Variants in L1CAM observed in about 807,000 individuals in gnomAD.
L1CAM encodes L1 cell adhesion molecule, also known as neural cell adhesion molecule L1.
L1CAM carries 8 observed loss-of-function variants against 93.0 expected under a neutral mutation model. That is an observed-to-expected ratio of 0.09 (90% CI 0.05 to 0.16). The LOEUF (loss-of-function observed/expected upper bound fraction) is 0.16. Among genes scored for constraint, L1CAM ranks in the 10% least tolerant of loss-of-function variants. The pLI, the probability that L1CAM is intolerant of heterozygous loss-of-function variation, is 1.00. For synonymous variants in L1CAM, 453 were observed against 453.0 expected (o/e 1.00, Z 0.00); for missense variants, 777 against 1,073.4 (o/e 0.72, Z 3.86).
chrX:153,868,431 C>T lies in L1CAM; in HGVS notation c.1574G>A (p.Arg525His), dbSNP rs782401498. 2.1e-5 allele frequency: 25 copies of T among 1,210,295 alleles called. No individual in the cohort carries two copies. Among genetic ancestry groups the T allele is most frequent in the Admixed American group, 6.5e-5 (3 of 45,838 alleles). Residue 525 changes from arginine (R) to histidine (H), a missense_variant, in exon 14 of 29, where the codon CGC (arginine) becomes CAC (histidine). Physicochemically the swap from Arg to His is conservative, Grantham distance 29. Coordinates refer to ENST00000370060, the MANE Select transcript of L1CAM (RefSeq NM_001278116.2). ...GGAACCTTTCTTCTCGATTGTGCTG[C>T]GGGGCCCCTGAGTGATCTGAGTTGC... The part of the protein sequence containing the change: ...KDATQITQGP[R>H]STIEKKGSRV...
In L1CAM at chrX:153,862,828, G is replaced by A. The variant is rs200235262; in HGVS notation, c.3609C>T (p.Gly1203=). 3 of 1,211,144 alleles carry A rather than the reference G, an allele frequency of 2.5e-6. No homozygotes were observed. In the East Asian group the frequency reaches 8.9e-5, roughly 36 times the overall value. The part of the protein sequence containing the change: ...PSLNGDIKPL[G]SDDSLADYGG... ...CATAATCGGCCAGGCTGTCGTCACT[G>A]CCCAGGGGCTTGATGTCCCCGTTGA... Residue 1203 remains glycine (G), a synonymous_variant, in exon 29 of 29, where the codon GGC becomes GGT. Coordinates refer to ENST00000370060, the MANE Select transcript of L1CAM (RefSeq NM_001278116.2).
intron 16 of L1CAM, 81 bp downstream of exon 16, chrX:153,867,719 C>A (rs1440360149): frequency 2.0e-6 from 2 of 1,017,522 alleles, no homozygotes; most frequent in African/African-American, 3.7e-5. Flanking sequence ...CCCAGGAAGG[C>A]TCCAGGAGGA....
rs921099758 is a variant in L1CAM at position 153,874,170 on chromosome X, G to C, written c.77-928C>G. Among the ~76,000 whole-genome samples the C allele has an allele frequency of 2.7e-5, 3 of 112,537 alleles. No homozygotes were observed. The East Asian group carries it at 8.4e-4, about 32-fold the overall frequency. ...GCTGGGGAGGGAGAGATGGAAGACAGGTTCCAACAGGGAGGGCCGGCTGCC... is the reference window on the plus strand; with the variant it reads ...GCTGGGGAGGGAGAGATGGAAGACACGTTCCAACAGGGAGGGCCGGCTGCC... On this transcript the variant is annotated intron_variant, in intron 2 of 28. Transcript: ENST00000370060.
intron 2 of L1CAM, among the ~76,000 whole-genome samples, chrX:153,874,390 C>T (rs1557094002): frequency 8.8e-6 from 1 of 113,269 alleles, no homozygotes; most frequent in Non-Finnish European, 1.9e-5. Context: ...GGTCTAAAAG[C>T]CTCACTGGTG....
chrX:153,878,805 T>C (rs1240938048), intron 1 of L1CAM, among the ~76,000 whole-genome samples: 1 of 111,512 alleles, frequency 9.0e-6, no homozygotes, highest in Non-Finnish European at 1.9e-5. Flanking sequence ...GTGTTTGGCA[T>C]GTACGCTCAG....
rs111740820 is a variant in L1CAM, at chrX:153,875,571, C to G, written c.76+190G>C. On this transcript the variant is annotated intron_variant, in intron 2 of 28. Transcript: ENST00000370060. Reference sequence around the variant, plus strand: ...CCCTGTCCATGGTCCTGACACGCCCCGCACCTTCTACCCTGCCCTTCTCTC... The same window carrying G: ...CCCTGTCCATGGTCCTGACACGCCCGGCACCTTCTACCCTGCCCTTCTCTC... The G allele has an allele frequency of 4.4e-3, 2,297 of 517,913 alleles. 2 individuals are homozygous for G. The highest frequency in any genetic ancestry group is 0.016 in the Middle Eastern group (34 of 2,186). 42.7% of individuals were successfully genotyped at this position (517,913 alleles called of 1,213,427 possible). A position where few individuals can be genotyped will look rare whatever the true frequency, so the allele number is the denominator to read the frequency against.
In L1CAM at chrX:153,870,503, C is replaced by T; in HGVS notation, c.695-4G>A. On this transcript the variant is annotated splice_region_variant and splice_polypyrimidine_tract_variant and intron_variant, in intron 7 of 28. Transcript: ENST00000370060. ...TTCCTGTCAATCATGCTGTTGGCTG[C>T]CAGGAGAAAGTGGGTGGGTGGGCTG... 8.3e-7 allele frequency: 1 copy of T among 1,202,408 alleles called. No homozygotes were observed. The highest frequency in any genetic ancestry group is 2.2e-5 in the Admixed American group (1 of 46,025).
intron 1 of L1CAM, chrX:153,885,269 C>A: frequency 1.9e-6 from 1 of 524,009 alleles, no homozygotes. Flanking sequence ...TCACCCCTAC[C>A]TGATGGACCC....
chrX:153,865,559 G>A (rs2148494233), intron 20 of L1CAM, 59 bp from the exon 21 acceptor site: 8 of 1,098,919 alleles, frequency 7.3e-6, no homozygotes, highest in East Asian at 6.0e-5. Flanking sequence ...GGCCCCCAGC[G>A]CACACCCCCA....
intron 2 of L1CAM, 82 bp downstream of exon 2, chrX:153,875,679 G>A: frequency 2.3e-6 from 2 of 885,808 alleles, no homozygotes; most frequent in Non-Finnish European, 1.7e-6. Flanking sequence ...TCCGGAACAG[G>A]GAGAAGGTGA....
At chrX:153,875,572 G>C (rs1037850328) in intron 2 of L1CAM, 189 bp downstream of exon 2, 8 of 518,327 alleles carry the variant, frequency 1.5e-5, no homozygotes, top group Admixed American at 1.1e-4. Flanking sequence ...GACACGCCCC[G>C]CACCTTCTAC....
Position 153,864,879 on chromosome X carries a change from G to A in L1CAM, c.2988C>T (p.Thr996=), listed in dbSNP as rs200863731. 52 of 1,211,213 alleles carry A rather than the reference G, an allele frequency of 4.3e-5. No homozygotes were observed. The highest frequency in any genetic ancestry group is 5.4e-5 in the Non-Finnish European group (48 of 895,381). The part of the protein sequence containing the change: ...HLRYRFQLQA[T]TKEGPGEAIV... ...TGGCTTCACCAGGGCCCTCTTTGGT[G>A]GTGGCCTGAAGCTGGAAGCGGTACC... Residue 996 remains threonine (T), a synonymous_variant, in exon 23 of 29, where the codon ACC becomes ACT. Transcript: ENST00000370060.
intron 1 of L1CAM, among the ~76,000 whole-genome samples, chrX:153,878,946 C>T (rs2064829606): frequency 1.8e-5 from 2 of 111,257 alleles, no homozygotes; most frequent in African/African-American, 6.5e-5. Flanking sequence ...TTGCCACCGC[C>T]CTGGGCAGTC....
intron 28 of L1CAM, 70 bp from the exon 29 acceptor site, chrX:153,862,964 G>A: frequency 1.2e-6 from 1 of 853,856 alleles, no homozygotes; most frequent in South Asian, 2.3e-5. Flanking sequence ...CTGGGGGTGA[G>A]GCAGACGCCC....
chrX:153,885,679 G>C (rs782687397), intron 1 of L1CAM: 5 of 309,977 alleles, frequency 1.6e-5, no homozygotes, highest in East Asian at 2.6e-4. Context: ...GGCGGCCTGT[G>C]GGGGAGCGCT....
chrX:153,873,398 G>A (rs927588089), intron 2 of L1CAM, among the ~76,000 whole-genome samples, 156 bp from the exon 3 acceptor site: 4 of 112,260 alleles, frequency 3.6e-5, no homozygotes, highest in African/African-American at 1.3e-4. Flanking sequence ...GGCAACAAGG[G>A]GGCACACGCT....
intron 3 of L1CAM, 73 bp downstream of exon 3, chrX:153,873,155 C>T: frequency 1.9e-6 from 2 of 1,049,817 alleles, no homozygotes; most frequent in Non-Finnish European, 2.7e-6. Context: ...GGCGGGGGTG[C>T]AGGCTCAGCT....
At position 153,864,847 on chromosome X, in the gene L1CAM, C is replaced by T. The variant is rs782143967; in HGVS notation, c.3020G>A (p.Arg1007Gln). The change falls in exon 23 of 29, where the codon CGG (arginine) becomes CAG (glutamine). Residue 1007 changes from arginine to glutamine, a missense_variant. By Grantham distance (43) the Arg-to-Gln change is conservative. This residue lies in a region of L1CAM where 71 missense variants were observed against 77.4 expected (regional missense o/e 0.92). Transcript: ENST00000370060. ...TKEGPGEAIVREGGTMALSGI... is the reference protein window; with the variant it reads ...TKEGPGEAIVQEGGTMALSGI... ...AGACAAGGCCATAGTGCCTCCTTCC[C>T]GTACGATGGCTTCACCAGGGCCCTC... 7 of 1,211,192 alleles carry T rather than the reference C, an allele frequency of 5.8e-6. No individual in the cohort carries two copies. Among genetic ancestry groups the T allele is most frequent in the South Asian group, 5.3e-5 (3 of 56,915 alleles).
At chrX:153,875,971 G>C in intron 1 of L1CAM, 27 bp from the exon 2 acceptor site, 1 of 529,757 alleles carries the variant, frequency 1.9e-6, no homozygotes, top group Non-Finnish European at 3.3e-6. Context: ...GGGAAGGGAA[G>C]GGTGGGGGAA....
Sources: allele counts gnomAD v4.1 joint callset (sites outside exome capture counted in the v4.1 genomes callset), GRCh38; gene constraint gnomAD v4.1.1; regional missense constraint gnomAD v4.1.1; transcripts MANE v1.5; gene names NCBI Gene and HGNC (gene_info 2026-07-23, HGNC 2026-07-21).